Variants in QKI observed in about 807,000 individuals in gnomAD.
The protein encoded by QKI is KH domain-containing RNA-binding protein QKI.
A neutral mutation model predicts 39.0 loss-of-function variants in QKI; 10 were observed. That is an observed-to-expected ratio of 0.26 (90% CI 0.16 to 0.43). The LOEUF is 0.43. Among genes scored for constraint, QKI ranks in the 20% least tolerant of loss-of-function variants. The pLI is 1.00. For synonymous variants in QKI, 204 were observed against 155.4 expected (o/e 1.31, Z -2.33); for missense variants, 218 against 428.0 (o/e 0.51, Z 4.33).
intron 3 of QKI, among the ~76,000 whole-genome samples, chr6:163,494,695 G>T (rs1225932488): frequency 6.7e-6 from 1 of 150,150 alleles, no homozygotes; most frequent in African/African-American, 2.5e-5. Context: ...TGTTGTTTTT[G>T]TGTTTTTTGA....
intron 7 of QKI, chr6:163,568,701 C>T: frequency 1.0e-6 from 1 of 985,158 alleles, no homozygotes; most frequent in Non-Finnish European, 1.2e-6. Flanking sequence ...AAAAACTCAG[C>T]CCTTGGACAT....
At chr6:163,529,235 T>C (rs1208673829) in intron 3 of QKI, among the ~76,000 whole-genome samples, 1 of 152,170 alleles carries the variant, frequency 6.6e-6, no homozygotes, top group Non-Finnish European at 1.5e-5. Flanking sequence ...GGTGAATATA[T>C]GAGGGATTAA....
At chr6:163,566,561 C>T (rs1783371790) in intron 6 of QKI, 160 bp from the exon 7 acceptor site, 2 of 1,495,978 alleles carry the variant, frequency 1.3e-6, no homozygotes, top group South Asian at 1.3e-5. Context: ...ATATACATGA[C>T]ATATTGTGGT....
intron 4 of QKI, among the ~76,000 whole-genome samples, chr6:163,554,116 A>G (rs1018991606): frequency 6.6e-5 from 10 of 152,200 alleles, no homozygotes; most frequent in Admixed American, 5.9e-4. Context: ...CAAGAACCTC[A>G]GGAGCTCAGA....
intron 2 of QKI, among the ~76,000 whole-genome samples, chr6:163,465,167 A>T (rs1562459499): frequency 6.6e-6 from 1 of 152,228 alleles, no homozygotes; most frequent in South Asian, 2.1e-4. Context: ...CAAGTAAGGT[A>T]TAGAACAGTA....
chr6:163,525,340 T>C (rs1780433289), intron 3 of QKI, among the ~76,000 whole-genome samples: 1 of 149,810 alleles, frequency 6.7e-6, no homozygotes, highest in Admixed American at 6.7e-5. Flanking sequence ...CTCTCTCTCT[T>C]CTTTCTTCTT....
intron 1 of QKI, among the ~76,000 whole-genome samples, chr6:163,418,969 T>A (rs1335193466): frequency 1.3e-5 from 2 of 152,064 alleles, no homozygotes; most frequent in Non-Finnish European, 2.9e-5. Context: ...GATAGGGAAA[T>A]AAAAAATGTG....
At chr6:163,537,203 G>A (rs1295947354) in intron 4 of QKI, among the ~76,000 whole-genome samples, 1 of 152,078 alleles carries the variant, frequency 6.6e-6, no homozygotes, top group East Asian at 1.9e-4. Flanking sequence ...GTCCCTTAGG[G>A]GGGAAAAGAA....
chr6:163,562,113 GT>G, intron 5 of QKI, 44 bp downstream of exon 5: 1 of 1,473,422 alleles, frequency 6.8e-7, no homozygotes, highest in Non-Finnish European at 9.3e-7. Context: ...TGTCTGCGTT[GT>G]TTTGTCTACA....
rs113817053 is a variant in QKI at position 163,549,209 on chromosome 6, G to C, written c.547-12773G>C. Among the ~76,000 whole-genome samples the C allele has an allele frequency of 9.0e-3, 1,373 of 151,910 alleles. 8 individuals are homozygous for C. Among genetic ancestry groups the C allele is most frequent in the Middle Eastern group, 0.014 (4 of 294 alleles). On this transcript the variant is annotated intron_variant, in intron 4 of 7. Transcript: ENST00000361752. ...GGGAGGAGAGGCCAGAGAGGTTGAGGGGGGGGACATGAGGTTGGTGATGAT... is the reference window on the plus strand; with the variant it reads ...GGGAGGAGAGGCCAGAGAGGTTGAGCGGGGGGACATGAGGTTGGTGATGAT...
intron 2 of QKI, among the ~76,000 whole-genome samples, chr6:163,460,912 C>G (rs1166809555): frequency 1.3e-5 from 2 of 152,142 alleles, no homozygotes; most frequent in East Asian, 1.9e-4. Context: ...AAATTACGAT[C>G]TACACATCTG....
At chr6:163,490,780 A>G (rs994473550) in intron 3 of QKI, among the ~76,000 whole-genome samples, 2 of 152,200 alleles carry the variant, frequency 1.3e-5, no homozygotes, top group South Asian at 4.1e-4. Context: ...CAGTAGTGGA[A>G]GAGATGGACA....
At chr6:163,463,335 G>A (rs1254222211) in intron 2 of QKI, among the ~76,000 whole-genome samples, 2 of 152,308 alleles carry the variant, frequency 1.3e-5, no homozygotes, top group Non-Finnish European at 2.9e-5. Context: ...GTAGGTGGTA[G>A]TGGTAAGCAC....
At position 163,465,762 on chromosome 6, in the gene QKI, C is replaced by T. The variant is rs73015383; in HGVS notation, c.285+10341C>T. Among the ~76,000 whole-genome samples, 908 of 152,026 alleles carry T rather than the reference C, an allele frequency of 6.0e-3. 5 individuals are homozygous for T. The highest frequency in any genetic ancestry group is 8.9e-3 in the Non-Finnish European group (603 of 67,982). On this transcript the variant is annotated intron_variant, in intron 2 of 7. Transcript: ENST00000361752. ...AGAAATCTGTTCACTTAGTCAAGTT[C>T]TGGGATACAAAAATCAACATACAAA...
intron 3 of QKI, among the ~76,000 whole-genome samples, chr6:163,485,936 C>G (rs889006733): frequency 2.0e-5 from 3 of 151,484 alleles, no homozygotes; most frequent in Non-Finnish European, 4.4e-5. Flanking sequence ...GAGCTAAAAA[C>G]AAACAAACAA....
chr6:163,501,342 T>A (rs1311616367), intron 3 of QKI, among the ~76,000 whole-genome samples: 2 of 152,012 alleles, frequency 1.3e-5, no homozygotes, highest in African/African-American at 4.8e-5. Flanking sequence ...AATAGTTGTT[T>A]AATGAGCTGC....
rs191281176 is a variant in QKI at position 163,425,557 on chromosome 6, A to G, written c.142+10222A>G. Among the ~76,000 whole-genome samples, 27 of 152,344 alleles carry G rather than the reference A, an allele frequency of 1.8e-4. No individual in the cohort carries two copies. The East Asian group carries it at 3.5e-3, about 20-fold the overall frequency. Reference sequence around the variant, plus strand: ...AGTGTGAAGAGTCAAACTATTATATACGTGGCTAACCCTTTAGGAAAATTT... The same window carrying G: ...AGTGTGAAGAGTCAAACTATTATATGCGTGGCTAACCCTTTAGGAAAATTT... On this transcript the variant is annotated intron_variant, in intron 1 of 7. Transcript: ENST00000361752.
At position 163,505,480 on chromosome 6, in the gene QKI, A is replaced by G. The variant is rs117635806; in HGVS notation, c.402+26584A>G. 5.6e-4 allele frequency among the ~76,000 whole-genome samples: 86 copies of G among 152,330 alleles called. No homozygotes were observed. The East Asian group carries it at 0.015, about 27-fold the overall frequency. On this transcript the variant is annotated intron_variant, in intron 3 of 7. Transcript: ENST00000361752. ...CAGAGCCACGGGGACAGTGCTGCCC[A>G]GTGCTGTGGGAGCCCATCCCTTGCA...
intron 1 of QKI, among the ~76,000 whole-genome samples, chr6:163,431,474 G>A (rs925668645): frequency 1.4e-4 from 21 of 151,870 alleles, no homozygotes; most frequent in Non-Finnish European, 2.6e-4. Context: ...TGCTCATGTT[G>A]TAACTCATGC....
Sources: gnomAD v4.1 joint callset for allele counts (sites outside exome capture counted in the v4.1 genomes callset) on GRCh38, gnomAD v4.1.1 for gene constraint, MANE v1.5 for transcripts, NCBI Gene and HGNC (gene_info 2026-07-23, HGNC 2026-07-21) for gene names.